Variants in CCDC15 observed in about 807,000 individuals in gnomAD.
CCDC15 encodes the protein coiled-coil domain containing 15, also known as coiled-coil domain-containing protein 15.
In CCDC15, 105 loss-of-function variants were observed where a neutral mutation model predicts 114.5. The ratio of observed to expected loss-of-function variants is 0.92; its 90% CI spans 0.78 to 1.08. CCDC15 has a LOEUF of 1.08. CCDC15 is among the 50% of genes least tolerant of loss of function. The pLI is 0.00. For missense variants in CCDC15, 1,105 were observed against 1,093.6 expected (o/e 1.01, Z -0.15); for synonymous variants, 334 against 377.8 (o/e 0.88, Z 1.34).
chr11:125,010,064 C>T (rs1411225283), intron 13 of CCDC15, among the ~76,000 whole-genome samples: 1 of 152,132 alleles, frequency 6.6e-6, no homozygotes, highest in Non-Finnish European at 1.5e-5. Flanking sequence ...ATCTCCAAAC[C>T]GCTTTCCACA....
Position 125,040,924 on chromosome 11 carries a change from C to T in CCDC15, c.*213C>T, listed in dbSNP as rs776856698. On this transcript the variant is annotated 3_prime_UTR_variant, in exon 16 of 16. Transcript: ENST00000344762. ...TCTCTCTTCTGTCTTGTGAACCATA[C>T]GGAGCCTATTATTTTAAAATATGAT... 15 of 513,774 alleles carry T rather than the reference C, an allele frequency of 2.9e-5. No homozygotes were observed. The highest frequency in any genetic ancestry group is 2.0e-4 in the Admixed American group (6 of 30,000). 31.8% of individuals were successfully genotyped at this position (513,774 alleles called of 1,614,324 possible).
chr11:124,962,269 C>CACTTTCTG (rs1187672079), intron 4 of CCDC15, among the ~76,000 whole-genome samples: 1 of 152,170 alleles, frequency 6.6e-6, no homozygotes, highest in Non-Finnish European at 1.5e-5. Context: ...ACACATAATT[C>CACTTTCTG]ACTTTCTGAA....
Position 124,993,333 on chromosome 11 carries a change from T to A in CCDC15, c.2214+90T>A, listed in dbSNP as rs1348932760. On this transcript the variant is annotated intron_variant, in intron 11 of 15. Transcript: ENST00000344762. ...AAGTAACAGAGTGTAAATTGCTTTT[T>A]TTTTGGCTGAAGATTGACAGGGCAA... The A allele has an allele frequency of 1.6e-5, 13 of 813,184 alleles. No homozygotes were observed. The South Asian group carries it at 2.1e-4, about 13-fold the overall frequency. 50.4% of individuals were successfully genotyped at this position (813,184 alleles called of 1,614,324 possible). A position where few individuals can be genotyped will look rare whatever the true frequency, so the allele number is the denominator to read the frequency against.
rs1485350178 is a variant in CCDC15, at chr11:124,977,606, G to A, written c.753+6G>A. Reference sequence around the variant, plus strand: ...AGAATTATATGGAAAATCAGGTAGGGAAATATAAAAAGTAGAGGGGAAAGA... The same window carrying A: ...AGAATTATATGGAAAATCAGGTAGGAAAATATAAAAAGTAGAGGGGAAAGA... On this transcript the variant is annotated splice_donor_region_variant and intron_variant, in intron 6 of 15. Coordinates refer to ENST00000344762, the MANE Select transcript of CCDC15 (RefSeq NM_025004.3). The A allele has an allele frequency of 1.3e-6, 2 of 1,597,398 alleles. No homozygotes were observed. Among genetic ancestry groups the A allele is most frequent in the South Asian group, 1.1e-5 (1 of 87,574 alleles).
At chr11:124,955,593 A>G (rs1449273154) in intron 2 of CCDC15, among the ~76,000 whole-genome samples, 1 of 152,226 alleles carries the variant, frequency 6.6e-6, no homozygotes, top group Non-Finnish European at 1.5e-5. Context: ...TTTTATCTTA[A>G]ATACTGCCTA....
chr11:125,003,888 G>T lies in CCDC15; in HGVS notation c.2236G>T (p.Gly746Ter). 1 of 1,563,382 alleles carries T rather than the reference G, an allele frequency of 6.4e-7. No individual in the cohort carries two copies. The highest frequency in any genetic ancestry group is 8.6e-7 in the Non-Finnish European group (1 of 1,160,570). ...ACAGGCTTATGATAGGTATCAATCA[G>T]GATTGAGCACTGAATTCCAAGCTCC... is the stretch of plus-strand genomic sequence containing the variant. ...VPLAYDRYQS[G>*]LSTEFQAPLA... Residue 746 changes from glycine (G) to a stop codon, truncating the protein, a stop_gained, in exon 12 of 16, where the codon GGA becomes TGA. Coordinates refer to ENST00000344762, the MANE Select transcript of CCDC15 (RefSeq NM_025004.3). LOFTEE classifies it high-confidence loss of function.
At chr11:125,020,293 C>G (rs894934422) in intron 13 of CCDC15, among the ~76,000 whole-genome samples, 1 of 151,890 alleles carries the variant, frequency 6.6e-6, no homozygotes, top group Non-Finnish European at 1.5e-5. Flanking sequence ...ATCATTTTAT[C>G]TGAAAGTCTT....
At chr11:124,992,283 T>C (rs1948283727) in intron 9 of CCDC15, among the ~76,000 whole-genome samples, 1 of 152,154 alleles carries the variant, frequency 6.6e-6, no homozygotes, top group Non-Finnish European at 1.5e-5. Flanking sequence ...ATTCTTCAAC[T>C]CTTACCAAAG....
intron 8 of CCDC15, 101 bp from the exon 9 acceptor site, chr11:124,991,360 G>GA: frequency 2.7e-6 from 2 of 741,198 alleles, no homozygotes; most frequent in South Asian, 3.5e-5. Context: ...ATATTATCCT[G>GA]AAAAAAACTA....
chr11:124,967,482 A>G (rs1042117395), intron 4 of CCDC15, among the ~76,000 whole-genome samples: 1 of 152,202 alleles, frequency 6.6e-6, no homozygotes, highest in African/African-American at 2.4e-5. Flanking sequence ...CAGCTCCATC[A>G]GGTCATTTAA....
intron 8 of CCDC15, among the ~76,000 whole-genome samples, chr11:124,989,283 T>C (rs957973430): frequency 6.6e-6 from 1 of 152,030 alleles, no homozygotes; most frequent in African/African-American, 2.4e-5. Flanking sequence ...GGCATCTTTA[T>C]TTTTTTTGGA....
intron 13 of CCDC15, among the ~76,000 whole-genome samples, chr11:125,017,795 GC>G (rs768927814): frequency 9.2e-5 from 14 of 151,976 alleles, no homozygotes; most frequent in Non-Finnish European, 2.1e-4. Context: ...CCCTGTGTAG[GC>G]CTAGGCTAAC....
chr11:124,993,287 G>A (rs1948302878), intron 11 of CCDC15, 44 bp downstream of exon 11: 1 of 1,301,290 alleles, frequency 7.7e-7, no homozygotes, highest in Admixed American at 1.8e-5. Context: ...TTCTAGAGAA[G>A]TAGAGCAGAA....
chr11:124,968,121 TGAG>T, intron 4 of CCDC15, among the ~76,000 whole-genome samples: 1 of 152,292 alleles, frequency 6.6e-6, no homozygotes, highest in South Asian at 2.1e-4. Flanking sequence ...GGAACCCACT[TGAG>T]GAGGCAGTAT....
chr11:125,008,708 T>G (rs898305895), intron 13 of CCDC15, among the ~76,000 whole-genome samples: 3 of 152,084 alleles, frequency 2.0e-5, no homozygotes, highest in Non-Finnish European at 4.4e-5. Context: ...TTTTCTTTTT[T>G]TTTGATACAG....
At chr11:124,971,894 A>G (rs775463218) in intron 4 of CCDC15, among the ~76,000 whole-genome samples, 1 of 152,092 alleles carries the variant, frequency 6.6e-6, no homozygotes, top group Non-Finnish European at 1.5e-5. Context: ...TACCACTAGG[A>G]AGGATGAGGA....
At chr11:125,032,413 A>G (rs1211971698) in intron 13 of CCDC15, among the ~76,000 whole-genome samples, 1 of 152,224 alleles carries the variant, frequency 6.6e-6, no homozygotes, top group Non-Finnish European at 1.5e-5. Context: ...ATGAAACCAC[A>G]CCTGGTACAG....
At position 124,988,108 on chromosome 11, in the gene CCDC15, G is replaced by A. The variant is rs200603729; in HGVS notation, c.1882G>A (p.Asp628Asn). 40 of 1,611,332 alleles carry A rather than the reference G, an allele frequency of 2.5e-5. No individual in the cohort carries two copies. Among genetic ancestry groups the A allele is most frequent in the Admixed American group, 1.2e-4 (7 of 59,566 alleles). Residue 628 changes from aspartate (D) to asparagine (N), a missense_variant, in exon 8 of 16, where the codon GAC becomes AAC. Coordinates refer to ENST00000344762, the MANE Select transcript of CCDC15 (RefSeq NM_025004.3). ...NDQNILPKCQ[D>N]QDFLPKYQKV... is the part of the protein sequence containing the mutation. ...CCAGAATATTCTACCCAAATGTCAG[G>A]ACCAAGATTTTCTACCAAAATATCA...
At chr11:124,995,428 C>T (rs975424667) in intron 11 of CCDC15, among the ~76,000 whole-genome samples, 7 of 152,062 alleles carry the variant, frequency 4.6e-5, no homozygotes, top group Admixed American at 1.3e-4. Flanking sequence ...AGAGAGGTAC[C>T]ATACCTGTTT....
Sources: gnomAD v4.1 joint callset for allele counts (sites outside exome capture counted in the v4.1 genomes callset) on GRCh38, gnomAD v4.1.1 for gene constraint, MANE v1.5 for transcripts, NCBI Gene and HGNC (gene_info 2026-07-23, HGNC 2026-07-21) for gene names.